The following FOCAD variants were observed in gnomAD, a reference collection of about 807,000 sequenced individuals.
FOCAD encodes the protein focadhesin.
Under a neutral mutation model 225.6 loss-of-function variants are expected in FOCAD, and 198 were observed. The ratio of observed to expected loss-of-function variants is 0.88; its 90% CI spans 0.78 to 0.99. FOCAD has a LOEUF of 0.99. Ranked by LOEUF, FOCAD falls within the 50% of genes least tolerant of loss-of-function variation. The pLI, the probability that FOCAD is intolerant of heterozygous loss-of-function variation, is 0.00. For missense variants in FOCAD, 2,713 were observed against 2,123.6 expected (o/e 1.28, Z -5.46); for synonymous variants, 897 against 755.0 (o/e 1.19, Z -3.08).
intron 4 of FOCAD, among the ~76,000 whole-genome samples, chr9:20,729,063 G>T (rs1394554932): frequency 1.2e-4 from 18 of 152,210 alleles, no homozygotes; most frequent in Admixed American, 1.2e-3. Flanking sequence ...ATTTCCAATG[G>T]TGGGACCTGG....
chr9:20,674,533 G>A (rs1482714311), intron 2 of FOCAD, among the ~76,000 whole-genome samples: 1 of 152,168 alleles, frequency 6.6e-6, no homozygotes, highest in Non-Finnish European at 1.5e-5. Flanking sequence ...AATGTAAGCA[G>A]AAGAGAATTT....
rs2132637089 is a variant in FOCAD at position 20,982,596 on chromosome 9, C to T, written c.4728+150C>T. 4.6e-6 allele frequency: 3 copies of T among 647,208 alleles called. 1 individual carries two copies. The highest frequency in any genetic ancestry group is 3.7e-5 in the South Asian group (2 of 53,918). 40.1% of individuals were successfully genotyped at this position (647,208 alleles called of 1,614,324 possible). On this transcript the variant is annotated intron_variant, in intron 39 of 43. Coordinates refer to ENST00000338382, the MANE Select transcript of FOCAD (RefSeq NM_001375567.1). ...CTATATTTCATTTACATTGTTGAGC[C>T]TCTTGTTCAGCCTACTAATGTGGTT...
intron 11 of FOCAD, among the ~76,000 whole-genome samples, chr9:20,803,141 A>G (rs1822025423): frequency 6.6e-6 from 1 of 152,138 alleles, no homozygotes; most frequent in Non-Finnish European, 1.5e-5. Flanking sequence ...TGGACTTATC[A>G]TGGAATTATC....
intron 28 of FOCAD, among the ~76,000 whole-genome samples, chr9:20,937,622 A>C (rs1188789600): frequency 6.6e-6 from 1 of 152,240 alleles, no homozygotes; most frequent in Non-Finnish European, 1.5e-5. Context: ...AAACCATAAA[A>C]ACCCTAGACG....
intron 6 of FOCAD, among the ~76,000 whole-genome samples, chr9:20,761,759 T>C (rs1020353422): frequency 6.6e-6 from 1 of 152,202 alleles, no homozygotes; most frequent in African/African-American, 2.4e-5. Flanking sequence ...GGTCTGTTTT[T>C]TTTAGTACTT....
chr9:20,695,258 G>A (rs1823267762), intron 1 of FOCAD, among the ~76,000 whole-genome samples: 1 of 152,062 alleles, frequency 6.6e-6, no homozygotes, highest in Admixed American at 6.6e-5. Context: ...TCACCCATGA[G>A]GATACAATGT....
intron 13 of FOCAD, 23 bp downstream of exon 13, chr9:20,820,448 A>G (rs751217269): frequency 9.5e-6 from 15 of 1,575,182 alleles, no homozygotes; most frequent in Non-Finnish European, 1.3e-5. Context: ...ATACACTTGC[A>G]TGAGTATTAA....
rs537981944 is a variant in FOCAD, at chr9:20,770,107, G to A, written c.775G>A (p.Val259Ile). 3 of 1,614,050 alleles carry A rather than the reference G, an allele frequency of 1.9e-6. No homozygotes were observed. In the South Asian group the frequency reaches 3.3e-5, roughly 18 times the overall value. Reference protein sequence around the residue: ...EVCLSLLRHPVFWKIQLTQMS... With the variant: ...EVCLSLLRHPIFWKIQLTQMS... The stretch of plus-strand genomic sequence containing the variant: ...ATGTTTAAGCCTTTTGCGTCATCCT[G>A]TTTTCTGGAAAATTCAGCTTACCCA... The change falls in exon 8 of 44, where the codon GTT (valine) becomes ATT (isoleucine). Residue 259 changes from valine (V) to isoleucine (I), a missense_variant. By Grantham distance (29) the Val-to-Ile change is conservative. Transcript: ENST00000338382.
At chr9:20,859,204 G>A (rs540886076) in intron 15 of FOCAD, among the ~76,000 whole-genome samples, 18 of 152,086 alleles carry the variant, frequency 1.2e-4, no homozygotes, top group African/African-American at 9.6e-5. Flanking sequence ...GTGAAACCCC[G>A]TCTCTACTAA....
intron 4 of FOCAD, among the ~76,000 whole-genome samples, chr9:20,733,916 A>G (rs1826921711): frequency 6.6e-6 from 1 of 152,184 alleles, no homozygotes; most frequent in Non-Finnish European, 1.5e-5. Context: ...TTCGAGCATC[A>G]CTTGAGCTCA....
intron 15 of FOCAD, among the ~76,000 whole-genome samples, chr9:20,836,561 G>A (rs1350553896): frequency 2.0e-5 from 3 of 152,000 alleles, no homozygotes; most frequent in Non-Finnish European, 4.4e-5. Context: ...AACTCTTTTT[G>A]TACATTTGTT....
At chr9:20,835,257 A>G (rs933027591) in intron 15 of FOCAD, among the ~76,000 whole-genome samples, 1 of 152,076 alleles carries the variant, frequency 6.6e-6, no homozygotes, top group African/African-American at 2.4e-5. Flanking sequence ...CCTGTATTAA[A>G]CTTCATAATA....
At chr9:20,897,579 T>C (rs1832202280) in intron 21 of FOCAD, among the ~76,000 whole-genome samples, 1 of 151,754 alleles carries the variant, frequency 6.6e-6, no homozygotes, top group South Asian at 2.1e-4. Context: ...ATGCAATATA[T>C]ATTTACAACT....
At chr9:20,759,795 A>G (rs1276810388) in intron 6 of FOCAD, among the ~76,000 whole-genome samples, 5 of 152,230 alleles carry the variant, frequency 3.3e-5, no homozygotes, top group Non-Finnish European at 4.4e-5. Flanking sequence ...GTGGTTAGGA[A>G]AGTTGGCTAG....
At chr9:20,840,969 C>T (rs895345203) in intron 15 of FOCAD, among the ~76,000 whole-genome samples, 3 of 151,908 alleles carry the variant, frequency 2.0e-5, no homozygotes, top group African/African-American at 7.2e-5. Context: ...ACTTTTCCAG[C>T]ATCAACTGAA....
At chr9:20,708,275 G>A (rs988365213) in intron 1 of FOCAD, among the ~76,000 whole-genome samples, 1 of 152,168 alleles carries the variant, frequency 6.6e-6, no homozygotes, top group African/African-American at 2.4e-5. Context: ...TGGTTCCATA[G>A]CTTAATTTGT....
At position 20,765,258 on chromosome 9, in the gene FOCAD, A is replaced by G. The variant is rs138844520; in HGVS notation, c.699+185A>G. ...AATCTAGATTTAATATGAATATATTATATTCGATATTAACTAAATACACAG... is the reference window on the plus strand; with the variant it reads ...AATCTAGATTTAATATGAATATATTGTATTCGATATTAACTAAATACACAG... On this transcript the variant is annotated intron_variant, in intron 7 of 43. Transcript: ENST00000338382. 2.3e-3 allele frequency among the ~76,000 whole-genome samples: 353 copies of G among 152,344 alleles called. 2 individuals are homozygous for G. The highest frequency in any genetic ancestry group is 7.5e-3 in the African/African-American group (312 of 41,580).
chr9:20,755,725 G>A (rs1378899600), intron 5 of FOCAD, among the ~76,000 whole-genome samples: 1 of 152,126 alleles, frequency 6.6e-6, no homozygotes, highest in Non-Finnish European at 1.5e-5. Context: ...ATAGCGATAT[G>A]GTTCTTATCA....
chr9:20,912,071 T>C (rs566604807), intron 22 of FOCAD, among the ~76,000 whole-genome samples: 19 of 152,274 alleles, frequency 1.2e-4, no homozygotes, highest in African/African-American at 3.6e-4. Context: ...CCAGAACTCT[T>C]GTTTACTGCT....
Sources: allele counts gnomAD v4.1 joint callset (sites outside exome capture counted in the v4.1 genomes callset), GRCh38; gene constraint gnomAD v4.1.1; transcripts MANE v1.5; gene names NCBI Gene and HGNC (gene_info 2026-07-23, HGNC 2026-07-21).